The following RAB1A variants were observed in gnomAD, a reference collection of about 807,000 sequenced individuals.
The protein encoded by RAB1A is RAB1A, member RAS oncogene family, also known as ras-related protein Rab-1A.
In RAB1A, 2 loss-of-function variants were observed where a neutral mutation model predicts 26.0. The ratio of observed to expected loss-of-function variants is 0.08; its 90% CI spans 0.03 to 0.24. RAB1A has a LOEUF of 0.24. Ranked by LOEUF, RAB1A falls within the 10% of genes least tolerant of loss-of-function variation. The pLI, the probability that RAB1A is intolerant of heterozygous loss-of-function variation, is 1.00. For synonymous variants in RAB1A, 84 were observed against 84.9 expected, an observed-to-expected ratio of 0.99 and a Z score of 0.06; for missense variants, 100 against 247.0, an observed-to-expected ratio of 0.40 and a Z score of 3.99.
chr2:65,106,641 G>A (rs1669567693), intron 1 of RAB1A, among the ~76,000 whole-genome samples: 2 of 29,546 alleles, frequency 6.8e-5, no homozygotes, highest in South Asian at 9.8e-4. Context: ...ATAGAAGTCA[G>A]AGAAGGAAAC....
Position 65,092,394 on chromosome 2 carries a change from G to A in RAB1A, c.193-1316C>T, listed in dbSNP as rs186429120. On this transcript the variant is annotated intron_variant, in intron 3 of 5. Coordinates refer to ENST00000409784, the MANE Select transcript of RAB1A (RefSeq NM_004161.5). ...CAGGTTCCTGGTTATTTAATATTAG[G>A]GAGAGTCACCTAACAGTTTCTTCAT... Among the ~76,000 whole-genome samples the A allele has an allele frequency of 1.8e-3, 280 of 152,212 alleles. 1 individual carries two copies. Among genetic ancestry groups the A allele is most frequent in the Middle Eastern group, 0.014 (4 of 294 alleles).
At chr2:65,120,540 A>G (rs1435830700) in intron 1 of RAB1A, among the ~76,000 whole-genome samples, 1 of 151,666 alleles carries the variant, frequency 6.6e-6, no homozygotes, top group Non-Finnish European at 1.5e-5. Flanking sequence ...AGATTTTCAC[A>G]TTTTAATATT....
At position 65,086,957 on chromosome 2, in the gene RAB1A, T is replaced by C. The variant is rs1038498808; in HGVS notation, c.*1536A>G. The stretch of plus-strand genomic sequence containing the variant: ...TATCTTACCACTTATTTTTGTACCA[T>C]GTATTTCAATTGCCTGTTTAGTGAA... On this transcript the variant is annotated 3_prime_UTR_variant, in exon 6 of 6. Transcript: ENST00000409784. 4 of 152,630 alleles carry C rather than the reference T, an allele frequency of 2.6e-5. No individual in the cohort carries two copies. The highest frequency in any genetic ancestry group is 4.1e-4 in the South Asian group (2 of 4,834). The allele number at this position is 152,630 out of a possible 1,614,324, so 9.5% of individuals were successfully genotyped here.
intron 1 of RAB1A, among the ~76,000 whole-genome samples, chr2:65,127,920 G>T (rs1670139993): frequency 6.6e-6 from 1 of 152,090 alleles, no homozygotes; most frequent in South Asian, 2.1e-4. Context: ...ATTTTTAGTA[G>T]AGACGGGGTT....
chr2:65,089,353 CAGGCA>C (rs1177636446), intron 4 of RAB1A, among the ~76,000 whole-genome samples: 2 of 152,084 alleles, frequency 1.3e-5, no homozygotes, highest in African/African-American at 4.8e-5. Context: ...GCTGGGACTA[CAGGCA>C]CATGCCACCA....
At chr2:65,095,504 C>T (rs1669262415) in intron 3 of RAB1A, among the ~76,000 whole-genome samples, 1 of 145,754 alleles carries the variant, frequency 6.9e-6, no homozygotes, top group Non-Finnish European at 1.5e-5. Context: ...CATGGACCAC[C>T]ACACCTGGTT....
chr2:65,112,509 C>G (rs1001729897), intron 1 of RAB1A, among the ~76,000 whole-genome samples: 8 of 152,258 alleles, frequency 5.3e-5, no homozygotes, highest in African/African-American at 1.9e-4. Flanking sequence ...AATCTAATCA[C>G]AAATTGGGCT....
chr2:65,110,897 C>A (rs1266186983), intron 1 of RAB1A, among the ~76,000 whole-genome samples: 2 of 151,632 alleles, frequency 1.3e-5, no homozygotes, highest in Non-Finnish European at 2.9e-5. Context: ...GAACTCACTA[C>A]TGCATTCCAA....
intron 1 of RAB1A, 179 bp from the exon 2 acceptor site, chr2:65,104,985 A>T (rs572258276): frequency 1.4e-6 from 1 of 711,252 alleles, no homozygotes; most frequent in East Asian, 2.6e-5. Flanking sequence ...CAGATCACTA[A>T]ACATGATAAA....
At chr2:65,090,851 G>A in intron 4 of RAB1A, 132 bp downstream of exon 4, 1 of 477,008 alleles carries the variant, frequency 2.1e-6, no homozygotes, top group Non-Finnish European at 3.6e-6. Context: ...ATTTATATTT[G>A]AGAGTGGACA....
At chr2:65,111,405 C>G (rs1669690549) in intron 1 of RAB1A, among the ~76,000 whole-genome samples, 2 of 150,958 alleles carry the variant, frequency 1.3e-5, no homozygotes, top group South Asian at 4.2e-4. Context: ...AACTGACAGA[C>G]AACTGACGGA....
intron 2 of RAB1A, among the ~76,000 whole-genome samples, chr2:65,099,537 G>C (rs1226729058): frequency 6.6e-6 from 1 of 152,220 alleles, no homozygotes; most frequent in African/African-American, 2.4e-5. Context: ...TGTGACAATG[G>C]AAAGGTTCTA....
intron 1 of RAB1A, among the ~76,000 whole-genome samples, chr2:65,107,757 T>C (rs952398720): frequency 6.6e-6 from 1 of 152,102 alleles, no homozygotes; most frequent in Non-Finnish European, 1.5e-5. Flanking sequence ...CTGGAGCCAG[T>C]TGAAGTAAAG....
At chr2:65,090,938 G>A in intron 4 of RAB1A, 45 bp downstream of exon 4, 4 of 1,310,532 alleles carry the variant, frequency 3.1e-6, no homozygotes, top group Non-Finnish European at 4.3e-6. Flanking sequence ...TCAAATAATG[G>A]CTTCCTACTT....
chr2:65,104,699 CCATTAATTGTAA>C, intron 2 of RAB1A, 23 bp downstream of exon 2: 1 of 1,407,978 alleles, frequency 7.1e-7, no homozygotes, highest in Non-Finnish European at 9.8e-7. Context: ...ATTAATTGTA[CCATTAATTGTAA>C]AGACATTTCA....
At chr2:65,092,497 G>C (rs1251317717) in intron 3 of RAB1A, among the ~76,000 whole-genome samples, 4 of 152,192 alleles carry the variant, frequency 2.6e-5, no homozygotes, top group African/African-American at 9.7e-5. Context: ...AAATGTGCCT[G>C]ACTATAGAAG....
At chr2:65,128,260 T>C (rs539412958) in intron 1 of RAB1A, among the ~76,000 whole-genome samples, 1 of 152,334 alleles carries the variant, frequency 6.6e-6, no homozygotes, top group South Asian at 2.1e-4. Flanking sequence ...GTCAAAGTTC[T>C]CAACTAATCT....
At chr2:65,126,141 A>G (rs1017316000) in intron 1 of RAB1A, among the ~76,000 whole-genome samples, 3 of 151,832 alleles carry the variant, frequency 2.0e-5, no homozygotes, top group African/African-American at 7.3e-5. Flanking sequence ...AACATTAGAG[A>G]TGGCTGGGTA....
intron 2 of RAB1A, among the ~76,000 whole-genome samples, chr2:65,098,836 C>CTTTTTTTTTTTTTTTT (rs70943624): frequency 1.9e-5 from 2 of 103,428 alleles, no homozygotes; most frequent in Non-Finnish European, 3.7e-5. Context: ...AACAGTACTT[C>CTTTTTTTTTTTTTTTT]TTTTTTTTTT....
Sources: allele counts gnomAD v4.1 joint callset (sites outside exome capture counted in the v4.1 genomes callset), GRCh38; gene constraint gnomAD v4.1.1; transcripts MANE v1.5; gene names NCBI Gene and HGNC (gene_info 2026-07-23, HGNC 2026-07-21).